RXFP1: variants seen among roughly 807,000 people sequenced by gnomAD.
RXFP1 encodes relaxin receptor 1.
RXFP1 carries 73 observed loss-of-function variants against 89.8 expected under a neutral mutation model. The observed-to-expected ratio is 0.81, with a 90% CI of 0.67 to 0.99. The LOEUF (loss-of-function observed/expected upper bound fraction) is 0.99. RXFP1 is among the 50% of genes least tolerant of loss of function. RXFP1 has a pLI of 0.00. For missense variants in RXFP1, 793 were observed against 895.5 expected (o/e 0.89, Z 1.46); for synonymous variants, 277 against 305.5 (o/e 0.91, Z 0.97).
At chr4:158,638,624 A>C (rs1769696810) in intron 13 of RXFP1, among the ~76,000 whole-genome samples, 1 of 152,140 alleles carries the variant, frequency 6.6e-6, no homozygotes, top group Non-Finnish European at 1.5e-5. Flanking sequence ...CCTGGGCAAC[A>C]TAGGGAGATG....
At chr4:158,547,106 G>A (rs1748661981) in intron 1 of RXFP1, among the ~76,000 whole-genome samples, 1 of 152,040 alleles carries the variant, frequency 6.6e-6, no homozygotes, top group Admixed American at 6.6e-5. Flanking sequence ...GTAAGCTATT[G>A]ATTATTGCCA....
At chr4:158,639,901 C>T (rs554745973) in intron 14 of RXFP1, among the ~76,000 whole-genome samples, 1 of 152,194 alleles carries the variant, frequency 6.6e-6, no homozygotes, top group Admixed American at 6.5e-5. Context: ...CTGGAGACGA[C>T]CCTTGCCCCT....
At chr4:158,522,279 A>G (rs1039349824) in intron 1 of RXFP1, among the ~76,000 whole-genome samples, 6 of 152,204 alleles carry the variant, frequency 3.9e-5, no homozygotes, top group African/African-American at 1.4e-4. Context: ...ACCAATTCAT[A>G]TAATTGATAT....
intron 1 of RXFP1, among the ~76,000 whole-genome samples, chr4:158,532,642 G>A (rs576874317): frequency 2.6e-5 from 4 of 152,248 alleles, no homozygotes; most frequent in African/African-American, 7.2e-5. Flanking sequence ...ACCCACCAAA[G>A]CATTCAACCA....
chr4:158,587,194 T>G (rs1358281535), intron 2 of RXFP1, among the ~76,000 whole-genome samples: 1 of 152,188 alleles, frequency 6.6e-6, no homozygotes, highest in Non-Finnish European at 1.5e-5. Context: ...GGTCGAAGCC[T>G]TCAAACCTTC....
At chr4:158,586,103 G>C (rs1427847335) in intron 2 of RXFP1, among the ~76,000 whole-genome samples, 2 of 152,198 alleles carry the variant, frequency 1.3e-5, no homozygotes, top group African/African-American at 4.8e-5. Context: ...ACTCCATGCT[G>C]ACCAAATAAA....
chr4:158,567,534 G>A (rs1753853953), intron 1 of RXFP1, among the ~76,000 whole-genome samples: 1 of 152,156 alleles, frequency 6.6e-6, no homozygotes, highest in African/African-American at 2.4e-5. Context: ...TTAATCTGGT[G>A]GGGACTTGGA....
chr4:158,648,346 ATTC>A (rs1771972035), intron 16 of RXFP1, among the ~76,000 whole-genome samples, 150 bp from the exon 17 acceptor site: 1 of 152,180 alleles, frequency 6.6e-6, no homozygotes, highest in Admixed American at 6.5e-5. Flanking sequence ...GACTTTAGTA[ATTC>A]TTTGTGAAGA....
Position 158,610,620 on chromosome 4 carries a change from G to A in RXFP1, c.537-1510G>A, listed in dbSNP as rs532780665. The A allele has an allele frequency of 5.7e-6, 7 of 1,217,510 alleles. No individual in the cohort carries two copies. In the East Asian group the frequency reaches 2.8e-4, roughly 49 times the overall value. 75.4% of individuals were successfully genotyped at this position (1,217,510 alleles called of 1,614,324 possible). On this transcript the variant is annotated intron_variant, in intron 6 of 17. Coordinates refer to ENST00000307765, the MANE Select transcript of RXFP1 (RefSeq NM_021634.4). ...TTGCTATTATGGTTCACTGAAAGGA[G>A]TGATTATCTCAGGTCCAGAGCAGTA...
chr4:158,570,302 C>G (rs1298670783), intron 1 of RXFP1, among the ~76,000 whole-genome samples: 1 of 152,064 alleles, frequency 6.6e-6, no homozygotes, highest in Non-Finnish European at 1.5e-5. Flanking sequence ...TATAAAAAAC[C>G]AGAATGGGAC....
chr4:158,624,397 G>T (rs1309065893), intron 9 of RXFP1, among the ~76,000 whole-genome samples: 1 of 151,998 alleles, frequency 6.6e-6, no homozygotes, highest in Non-Finnish European at 1.5e-5. Flanking sequence ...TGCCACTAAG[G>T]GACAAGTTGA....
intron 2 of RXFP1, among the ~76,000 whole-genome samples, chr4:158,573,421 C>G (rs1755558978): frequency 6.6e-6 from 1 of 152,214 alleles, no homozygotes; most frequent in Admixed American, 6.5e-5. Context: ...CTGCAGGCTG[C>G]ATGCGGCCCG....
At chr4:158,559,887 G>GA (rs2149932553) in intron 1 of RXFP1, among the ~76,000 whole-genome samples, 1 of 152,328 alleles carries the variant, frequency 6.6e-6, no homozygotes, top group East Asian at 1.9e-4. Flanking sequence ...AGAAACATCA[G>GA]AACTATGAAT....
At chr4:158,626,045 G>A (rs954505189) in intron 9 of RXFP1, among the ~76,000 whole-genome samples, 9 of 151,846 alleles carry the variant, frequency 5.9e-5, no homozygotes, top group Non-Finnish European at 8.8e-5. Flanking sequence ...AGACCATAAG[G>A]AGGTTTATGG....
intron 1 of RXFP1, among the ~76,000 whole-genome samples, chr4:158,526,212 A>G (rs571873192): frequency 7.2e-5 from 11 of 152,374 alleles, no homozygotes; most frequent in African/African-American, 2.6e-4. Context: ...ATGAATTAGT[A>G]TATGTAAATA....
At position 158,626,113 on chromosome 4, in the gene RXFP1, T is replaced by C. The variant is rs566803801; in HGVS notation, c.756-707T>C. Among the ~76,000 whole-genome samples the C allele has an allele frequency of 1.6e-4, 3 of 18,782 alleles. No individual in the cohort carries two copies. In the East Asian group the frequency reaches 4.3e-3, roughly 27 times the overall value. 12.3% of individuals were successfully genotyped at this position (18,782 alleles called of 152,430 possible). ...GGAGGATTATATTTAGATATCTATA[T>C]AGATAGATAGATAGATAGATAGATA... On this transcript the variant is annotated intron_variant, in intron 9 of 17. Transcript: ENST00000307765.
chr4:158,580,414 T>A (rs1757113804), intron 2 of RXFP1, among the ~76,000 whole-genome samples: 1 of 152,068 alleles, frequency 6.6e-6, no homozygotes, highest in African/African-American at 2.4e-5. Context: ...ACAGAAAAAA[T>A]GTTTAAATGT....
intron 2 of RXFP1, among the ~76,000 whole-genome samples, chr4:158,582,167 G>A (rs1415338160): frequency 6.6e-6 from 1 of 152,166 alleles, no homozygotes; most frequent in Non-Finnish European, 1.5e-5. Flanking sequence ...GGGGTTGGGT[G>A]GGAACAAACA....
At chr4:158,584,933 G>A (rs1219537766) in intron 2 of RXFP1, among the ~76,000 whole-genome samples, 5 of 152,144 alleles carry the variant, frequency 3.3e-5, no homozygotes, top group Non-Finnish European at 7.3e-5. Context: ...AGTTTTTAAC[G>A]TTGGCAGACA....
Sources: gnomAD v4.1 joint callset for allele counts (sites outside exome capture counted in the v4.1 genomes callset) on GRCh38, gnomAD v4.1.1 for gene constraint, MANE v1.5 for transcripts, NCBI Gene and HGNC (gene_info 2026-07-23, HGNC 2026-07-21) for gene names.